Variants in APBA1 observed in about 807,000 individuals in gnomAD.
The protein encoded by APBA1 is amyloid beta precursor protein binding family A member 1.
APBA1 carries 55 observed loss-of-function variants against 86.6 expected under a neutral mutation model. That is an observed-to-expected ratio of 0.64 (90% CI 0.51 to 0.80). APBA1 has a LOEUF of 0.80. APBA1 is among the 30% of genes least tolerant of loss of function. The pLI is 0.00. For missense variants in APBA1, 1,090 were observed against 1,183.0 expected (o/e 0.92, Z 1.15); for synonymous variants, 511 against 493.9 (o/e 1.03, Z -0.46).
chr9:69,493,275 C>T (rs73647244), intron 2 of APBA1, among the ~76,000 whole-genome samples: 3 of 151,880 alleles, frequency 2.0e-5, no homozygotes, highest in African/African-American at 7.2e-5. Context: ...TATTTTTTTC[C>T]CTCTTCTACT....
At chr9:69,521,191 A>T (rs1385116507) in intron 1 of APBA1, among the ~76,000 whole-genome samples, 4 of 152,116 alleles carry the variant, frequency 2.6e-5, no homozygotes, top group African/African-American at 9.7e-5. Context: ...CTGACATTTG[A>T]TCTTTGCACT....
At chr9:69,526,888 T>A (rs190319993) in intron 1 of APBA1, among the ~76,000 whole-genome samples, 1 of 152,108 alleles carries the variant, frequency 6.6e-6, no homozygotes, top group African/African-American at 2.4e-5. Flanking sequence ...CATGGAATAC[T>A]ATGCAGCCAT....
rs143925402 is a variant in APBA1, at chr9:69,525,668, A to G, written c.-69-8389T>C. On this transcript the variant is annotated intron_variant, in intron 1 of 12. Coordinates refer to ENST00000265381, the MANE Select transcript of APBA1 (RefSeq NM_001163.4). ...CTACCCAAAGCAATTTACAGATTCA[A>G]TGTTATTCCTATCAAACTACCAACA... is the stretch of plus-strand genomic sequence containing the variant. 4.4e-3 allele frequency among the ~76,000 whole-genome samples: 671 copies of G among 152,306 alleles called. 2 individuals carry two copies. Among genetic ancestry groups the G allele is most frequent in the African/African-American group, 0.015 (627 of 41,578 alleles).
chr9:69,642,940 C>T (rs1042653996), intron 1 of APBA1, among the ~76,000 whole-genome samples: 11 of 151,678 alleles, frequency 7.3e-5, no homozygotes, highest in African/African-American at 1.5e-4. Context: ...CACAATCACA[C>T]GAACCAATTC....
chr9:69,474,630 T>C (rs990134412), intron 3 of APBA1, among the ~76,000 whole-genome samples: 2 of 152,210 alleles, frequency 1.3e-5, no homozygotes, highest in African/African-American at 4.8e-5. Flanking sequence ...TGTGCCCTTG[T>C]CACTTGTGCT....
chr9:69,499,528 G>A (rs1215619973), intron 2 of APBA1, among the ~76,000 whole-genome samples: 2 of 151,990 alleles, frequency 1.3e-5, no homozygotes, highest in African/African-American at 2.4e-5. Flanking sequence ...GCATCCTTTG[G>A]CAGCAAGACA....
At chr9:69,434,701 C>T (rs548695832) in intron 11 of APBA1, among the ~76,000 whole-genome samples, 2 of 144,956 alleles carry the variant, frequency 1.4e-5, no homozygotes, top group East Asian at 2.0e-4. Flanking sequence ...AGCGAGACTC[C>T]ATCTCAATTT....
intron 1 of APBA1, among the ~76,000 whole-genome samples, chr9:69,595,910 C>A (rs988342060): frequency 6.6e-6 from 1 of 152,182 alleles, no homozygotes; most frequent in Non-Finnish European, 1.5e-5. Flanking sequence ...GGAGGGAAGG[C>A]TGAACCAGTG....
chr9:69,468,925 T>C (rs1053715916), intron 4 of APBA1, among the ~76,000 whole-genome samples: 2 of 151,736 alleles, frequency 1.3e-5, no homozygotes, highest in Non-Finnish European at 2.9e-5. Flanking sequence ...AGTACAGTGG[T>C]GTGATCTCGG....
intron 1 of APBA1, among the ~76,000 whole-genome samples, chr9:69,669,274 C>A (rs1823900457): frequency 6.6e-6 from 1 of 152,176 alleles, no homozygotes; most frequent in Non-Finnish European, 1.5e-5. Context: ...CCCCAAGGTA[C>A]TACAGTTAAT....
intron 1 of APBA1, among the ~76,000 whole-genome samples, chr9:69,558,427 T>C (rs942512670): frequency 2.0e-5 from 3 of 152,020 alleles, no homozygotes; most frequent in Non-Finnish European, 4.4e-5. Flanking sequence ...TCCTGATTAC[T>C]GTTAGGTTCA....
intron 1 of APBA1, among the ~76,000 whole-genome samples, chr9:69,580,670 C>T (rs1037004704): frequency 6.6e-6 from 1 of 152,110 alleles, no homozygotes; most frequent in Non-Finnish European, 1.5e-5. Flanking sequence ...AGGAAACTTG[C>T]TGACAGGCTT....
At position 69,658,338 on chromosome 9, in the gene APBA1, C is replaced by CTTTCT. The variant is rs1564105143; in HGVS notation, c.-70+13810_-70+13814dup. Reference sequence around the variant, plus strand: ...TCTTTCTTTCTTTCTTTCTTTCTTTCTTTCTTTCTTTCTTTCTTTCTGTGT... The same window carrying CTTTCT: ...TCTTTCTTTCTTTCTTTCTTTCTTTCTTTCTTTTCTTTCTTTCTTTCTTTCTGTGT... On this transcript the variant is annotated intron_variant, in intron 1 of 12. Transcript: ENST00000265381. 4.3e-5 allele frequency among the ~76,000 whole-genome samples: 6 copies of CTTTCT among 140,270 alleles called. 1 individual carries two copies. In the East Asian group the frequency reaches 1.2e-3, roughly 28 times the overall value. 92.0% of individuals were successfully genotyped at this position (140,270 alleles called of 152,430 possible). A position where few individuals can be genotyped will look rare whatever the true frequency, so the allele number is the denominator to read the frequency against.
chr9:69,633,136 T>A (rs1053670051), intron 1 of APBA1, among the ~76,000 whole-genome samples: 3 of 151,716 alleles, frequency 2.0e-5, no homozygotes, highest in Admixed American at 6.6e-5. Flanking sequence ...TTTATTTTAT[T>A]TTTATTTTTT....
At chr9:69,436,043 C>A (rs1834711495) in intron 11 of APBA1, among the ~76,000 whole-genome samples, 1 of 132,346 alleles carries the variant, frequency 7.6e-6, no homozygotes, top group African/African-American at 2.7e-5. Context: ...GGAATCCTTT[C>A]CCCCATTGCT....
At position 69,547,367 on chromosome 9, in the gene APBA1, G is replaced by A. The variant is rs550520627; in HGVS notation, c.-69-30088C>T. ...GTATTCCAGGCAGGCAACAGGGACA[G>A]GGCATAGGTAAAGAAGGTGCATTTC... is the stretch of plus-strand genomic sequence containing the variant. On this transcript the variant is annotated intron_variant, in intron 1 of 12. Coordinates refer to ENST00000265381, the MANE Select transcript of APBA1 (RefSeq NM_001163.4). 5.1e-4 allele frequency among the ~76,000 whole-genome samples: 78 copies of A among 152,298 alleles called. 1 individual carries two copies. Among genetic ancestry groups the A allele is most frequent in the Non-Finnish European group, 1.0e-3 (69 of 68,030 alleles).
chr9:69,655,082 T>G (rs571255434), intron 1 of APBA1, among the ~76,000 whole-genome samples: 13 of 152,318 alleles, frequency 8.5e-5, no homozygotes, highest in African/African-American at 3.1e-4. Context: ...AGGCCACGTA[T>G]GACAAACCCA....
intron 1 of APBA1, among the ~76,000 whole-genome samples, chr9:69,588,025 CAAAA>C (rs35212894): frequency 9.4e-6 from 1 of 106,670 alleles, no homozygotes; most frequent in Non-Finnish European, 1.8e-5. Context: ...GACTCTGTCT[CAAAA>C]AAAAAAAAAA....
At chr9:69,648,923 A>G (rs1403190457) in intron 1 of APBA1, among the ~76,000 whole-genome samples, 1 of 152,138 alleles carries the variant, frequency 6.6e-6, no homozygotes, top group Admixed American at 6.6e-5. Context: ...TCACGCTCCC[A>G]AACGAGTCAT....
Sources: gnomAD v4.1 joint callset for allele counts (sites outside exome capture counted in the v4.1 genomes callset) on GRCh38, gnomAD v4.1.1 for gene constraint, MANE v1.5 for transcripts, NCBI Gene and HGNC (gene_info 2026-07-23, HGNC 2026-07-21) for gene names.